USP22: variants seen among roughly 807,000 people sequenced by gnomAD.
USP22 encodes the protein ubiquitin specific peptidase 22, also known as ubiquitin carboxyl-terminal hydrolase 22.
Under a neutral mutation model 68.1 loss-of-function variants are expected in USP22, and 22 were observed. The observed-to-expected ratio is 0.32, with a 90% CI of 0.23 to 0.46. The LOEUF is 0.46. Among genes scored for constraint, USP22 ranks in the 20% least tolerant of loss-of-function variants. USP22 has a pLI of 1.00. For synonymous variants in USP22, 279 were observed against 274.2 expected, an observed-to-expected ratio of 1.02 and a Z score of -0.17; for missense variants, 433 against 695.8, an observed-to-expected ratio of 0.62 and a Z score of 4.25.
intron 4 of USP22, among the ~76,000 whole-genome samples, chr17:21,018,599 C>T (rs1210497351): frequency 1.3e-5 from 2 of 152,010 alleles, no homozygotes; most frequent in Non-Finnish European, 2.9e-5. Context: ...GCAATCCCAG[C>T]TACTTGGGAG....
At position 21,041,402 on chromosome 17, in the gene USP22, A is replaced by G. The variant is rs560586764; in HGVS notation, c.171+1263T>C. On this transcript the variant is annotated intron_variant, in intron 1 of 12. Transcript: ENST00000261497. Reference sequence around the variant, plus strand: ...CACCTGAGATCAGGAGTTCCAGACCAGCCTGGCCAACATGGTGAAACCCCG... The same window carrying G: ...CACCTGAGATCAGGAGTTCCAGACCGGCCTGGCCAACATGGTGAAACCCCG... 6.6e-5 allele frequency among the ~76,000 whole-genome samples: 10 copies of G among 151,498 alleles called. 1 individual carries two copies. The South Asian group carries it at 2.1e-3, about 32-fold the overall frequency.
intron 5 of USP22, 32 bp downstream of exon 5, chr17:21,017,910 A>C: frequency 1.9e-6 from 3 of 1,605,948 alleles, no homozygotes; most frequent in South Asian, 2.2e-5. Context: ...AAGTAACAGA[A>C]ATGTTCCCCT....
chr17:21,024,582 T>G (rs1972197611), intron 2 of USP22, among the ~76,000 whole-genome samples: 1 of 152,130 alleles, frequency 6.6e-6, no homozygotes, highest in Non-Finnish European at 1.5e-5. Flanking sequence ...AATATAAAAC[T>G]CGTAGAAGAA....
intron 1 of USP22, among the ~76,000 whole-genome samples, chr17:21,037,691 G>A (rs1433598898): frequency 5.3e-5 from 8 of 152,206 alleles, no homozygotes; most frequent in African/African-American, 1.9e-4. Flanking sequence ...GGGATTCTGA[G>A]ACAGAATAAG....
intron 7 of USP22, 114 bp from the exon 8 acceptor site, chr17:21,011,423 T>C: frequency 7.4e-7 from 1 of 1,354,966 alleles, no homozygotes; most frequent in Non-Finnish European, 1.0e-6. Context: ...TTTGTCACAG[T>C]GACACTCAGG....
chr17:21,022,090 A>G (rs765185996), intron 2 of USP22, among the ~76,000 whole-genome samples: 57 of 152,086 alleles, frequency 3.7e-4, no homozygotes, highest in Non-Finnish European at 6.6e-4. Flanking sequence ...ACAGAGTGAG[A>G]CTCTGTCTCA....
intron 1 of USP22, among the ~76,000 whole-genome samples, chr17:21,029,956 C>T (rs2143618230): frequency 6.6e-6 from 1 of 152,308 alleles, no homozygotes; most frequent in Non-Finnish European, 1.5e-5. Flanking sequence ...GCAGTGTAAA[C>T]CACGAAATGT....
At chr17:21,022,418 G>A (rs1373390533) in intron 2 of USP22, among the ~76,000 whole-genome samples, 1 of 152,118 alleles carries the variant, frequency 6.6e-6, no homozygotes, top group Non-Finnish European at 1.5e-5. Flanking sequence ...AATAGTTTGG[G>A]CTCTTAATTA....
Position 21,012,335 on chromosome 17 carries a change from G to A in USP22, c.944+495C>T, listed in dbSNP as rs28576845. ...TGAGAGGGTCCCCTGACCTAACAAA[G>A]CAATGGATTCTCCCTGCACTCAACA... On this transcript the variant is annotated intron_variant, in intron 7 of 12. Coordinates refer to ENST00000261497, the MANE Select transcript of USP22 (RefSeq NM_015276.2). Among the ~76,000 whole-genome samples, 120 of 152,254 alleles carry A rather than the reference G, an allele frequency of 7.9e-4. 1 individual carries two copies. The highest frequency in any genetic ancestry group is 2.7e-3 in the African/African-American group (114 of 41,534).
At chr17:21,042,426 G>T (rs1972449423) in intron 1 of USP22, among the ~76,000 whole-genome samples, 1 of 142,874 alleles carries the variant, frequency 7.0e-6, no homozygotes, top group Non-Finnish European at 1.5e-5. Flanking sequence ...AAGAATGGGG[G>T]AAGGGGGGAG....
chr17:21,020,244 C>CAAAAAA lies in USP22; in HGVS notation c.418+863_418+868dup, dbSNP rs3047597. On this transcript the variant is annotated intron_variant, in intron 3 of 12. Transcript: ENST00000261497. ...ATGAGCATCTGTCAGAATCAAAAAC[C>CAAAAAA]AAAAAAAAAAAAAAAAAAAAAAAAA... Among the ~76,000 whole-genome samples, 533 of 73,180 alleles carry CAAAAAA rather than the reference C, an allele frequency of 7.3e-3. 1 individual carries two copies. The highest frequency in any genetic ancestry group is 9.8e-3 in the Non-Finnish European group (392 of 39,880). 48.0% of individuals were successfully genotyped at this position (73,180 alleles called of 152,430 possible).
At chr17:21,023,124 C>T (rs1465518850) in intron 2 of USP22, among the ~76,000 whole-genome samples, 1 of 152,000 alleles carries the variant, frequency 6.6e-6, no homozygotes, top group African/African-American at 2.4e-5. Flanking sequence ...GGGAGCTAAA[C>T]CATTAGAACA....
intron 3 of USP22, among the ~76,000 whole-genome samples, chr17:21,020,299 A>ATT (rs1485470822): frequency 5.3e-5 from 8 of 151,942 alleles, no homozygotes; most frequent in African/African-American, 1.4e-4. Flanking sequence ...GCCAAGAAGA[A>ATT]ATAAAAAATA....
chr17:21,018,019 G>T lies in USP22; in HGVS notation c.613C>A (p.Leu205Met), dbSNP rs780768257. 6.2e-7 allele frequency: 1 copy of T among 1,614,146 alleles called. No individual in the cohort carries two copies. The highest frequency in any genetic ancestry group is 8.5e-7 in the Non-Finnish European group (1 of 1,180,040). Residue 205 changes from leucine (L) to methionine (M), a missense_variant, in exon 5 of 13, where the codon CTG (leucine) becomes ATG (methionine). Physicochemically the swap from Leu to Met is conservative, Grantham distance 15. Transcript: ENST00000261497. ...THTPLLRDFFLSDRHRCEMQS... is the reference protein window; with the variant it reads ...THTPLLRDFFMSDRHRCEMQS... ...ATCTCACAGCGGTGCCTGTCAGACA[G>T]GAAGAAGTCCCGCAGAAGTGGCGTG...
intron 1 of USP22, among the ~76,000 whole-genome samples, chr17:21,036,092 A>C (rs1450887427): frequency 2.0e-5 from 3 of 151,120 alleles, no homozygotes; most frequent in African/African-American, 7.3e-5. Context: ...GATACAATGG[A>C]TATTGCTAGA....
chr17:21,016,161 C>T (rs1914125721), intron 5 of USP22, among the ~76,000 whole-genome samples: 1 of 152,166 alleles, frequency 6.6e-6, no homozygotes, highest in African/African-American at 2.4e-5. Context: ...TGACTTGCTA[C>T]TATGAGATCA....
intron 1 of USP22, among the ~76,000 whole-genome samples, chr17:21,038,455 G>A (rs1004514143): frequency 2.0e-5 from 3 of 152,072 alleles, no homozygotes; most frequent in African/African-American, 4.8e-5. Flanking sequence ...GGATCACTTA[G>A]CTCAGAAGTT....
chr17:21,023,293 C>T (rs557620147), intron 2 of USP22, among the ~76,000 whole-genome samples: 7 of 152,256 alleles, frequency 4.6e-5, no homozygotes, highest in Admixed American at 2.0e-4. Context: ...CTGAATAATA[C>T]GTTTATATAA....
intron 1 of USP22, among the ~76,000 whole-genome samples, chr17:21,032,062 G>C (rs1474145228): frequency 2.0e-5 from 3 of 152,232 alleles, no homozygotes; most frequent in African/African-American, 7.2e-5. Context: ...GAAGATTATA[G>C]TATCATATTT....
Sources: allele counts gnomAD v4.1 joint callset (sites outside exome capture counted in the v4.1 genomes callset), GRCh38; gene constraint gnomAD v4.1.1; transcripts MANE v1.5; gene names NCBI Gene and HGNC (gene_info 2026-07-23, HGNC 2026-07-21).